LRP3: variants seen among roughly 807,000 people sequenced by gnomAD.
LRP3 encodes the protein LDL receptor related protein 3.
Under a neutral mutation model 58.5 loss-of-function variants are expected in LRP3, and 49 were observed. The observed-to-expected ratio is 0.84, with a 90% CI of 0.67 to 1.06. The LOEUF is 1.06. Ranked by LOEUF, LRP3 falls within the 50% of genes least tolerant of loss-of-function variation. LRP3 has a pLI of 0.00. For synonymous variants in LRP3, 485 were observed against 492.2 expected (o/e 0.99, Z 0.20); for missense variants, 1,019 against 1,134.2 (o/e 0.90, Z 1.46).
chr19:33,201,330 A>T (rs779940017), intron 2 of LRP3, among the ~76,000 whole-genome samples: 2 of 152,128 alleles, frequency 1.3e-5, no homozygotes, highest in Non-Finnish European at 1.5e-5. Context: ...TGGGATAAGA[A>T]GGTGGGGATA....
At chr19:33,195,085 G>A (rs1974272098) in intron 1 of LRP3, among the ~76,000 whole-genome samples, 1 of 151,940 alleles carries the variant, frequency 6.6e-6, no homozygotes, top group Admixed American at 6.5e-5. Flanking sequence ...AGTAGCGCCC[G>A]GAGCCCGGGC....
rs1296126406 is a variant in LRP3, at chr19:33,206,093, A to G, written c.1323A>G (p.Lys441=). The G allele has an allele frequency of 1.2e-6, 2 of 1,609,522 alleles. No homozygotes were observed. The highest frequency in any genetic ancestry group is 1.3e-5 in the African/African-American group (1 of 74,844). Residue 441 remains lysine (K), a synonymous_variant, in exon 5 of 7, where the codon AAA becomes AAG. Transcript: ENST00000253193. ...CTGCCGACCGCTGCAACAACCAGAA[A>G]AGCTGTCCCGACGGCGCCGACGAGA... is the stretch of plus-strand genomic sequence containing the variant. ...YTPADRCNNQ[K]SCPDGADEKN...
rs113136121 is a variant in LRP3 at position 33,207,749 on chromosome 19, CG to C, written c.*176del. On this transcript the variant is annotated 3_prime_UTR_variant, in exon 7 of 7. Coordinates refer to ENST00000253193, the MANE Select transcript of LRP3 (RefSeq NM_002333.4). Reference sequence around the variant, plus strand: ...GGTGGGCGGGAGCTGTGGGACTGAACGGCGGGGGGGAGAAGAGTGGAGTGGT... The same window carrying C: ...GGTGGGCGGGAGCTGTGGGACTGAACGCGGGGGGGAGAAGAGTGGAGTGGT... The C allele has an allele frequency of 2.4e-3, 1,408 of 594,060 alleles. 20 individuals carry two copies. The African/African-American group carries it at 0.025, about 11-fold the overall frequency. 36.8% of individuals were successfully genotyped at this position (594,060 alleles called of 1,614,324 possible).
At position 33,207,332 on chromosome 19, in the gene LRP3, C is replaced by T; in HGVS notation, c.2070C>T (p.Asp690=). Reference sequence around the variant, plus strand: ...CACCCTTGCCCTCGGGCCTGCGAGACCCAGAGTGCAGGCCCGTGGACAAGG... The same window carrying T: ...CACCCTTGCCCTCGGGCCTGCGAGATCCAGAGTGCAGGCCCGTGGACAAGG... ...SGPPLPSGLR[D]PECRPVDKDR... is the part of the protein sequence containing the mutation. The change falls in exon 7 of 7, where the codon GAC becomes GAT. Residue 690 remains aspartate, a synonymous_variant. Coordinates refer to ENST00000253193, the MANE Select transcript of LRP3 (RefSeq NM_002333.4). 6.3e-7 allele frequency: 1 copy of T among 1,580,656 alleles called. No homozygotes were observed. Among genetic ancestry groups the T allele is most frequent in the Non-Finnish European group, 8.5e-7 (1 of 1,170,274 alleles).
chr19:33,196,865 C>T lies in LRP3; in HGVS notation c.121+88C>T, dbSNP rs538441754. On this transcript the variant is annotated intron_variant, in intron 2 of 6. Coordinates refer to ENST00000253193, the MANE Select transcript of LRP3 (RefSeq NM_002333.4). ...AAGACAGGCCTTCAGGGTCCTGGCA[C>T]TACCCCGAGTTCCTGTGTGCATCTT... 4 of 1,222,094 alleles carry T rather than the reference C, an allele frequency of 3.3e-6. No individual in the cohort carries two copies. In the African/African-American group the frequency reaches 5.9e-5, roughly 18 times the overall value. 75.7% of individuals were successfully genotyped at this position (1,222,094 alleles called of 1,614,324 possible).
rs373886579 is a variant in LRP3, at chr19:33,196,472, TG to T, written c.74-257del. On this transcript the variant is annotated intron_variant, in intron 1 of 6. Coordinates refer to ENST00000253193, the MANE Select transcript of LRP3 (RefSeq NM_002333.4). ...ACTTGGGAGGCTCAGGTGGGAGGATTGCTTGAGCTCGGGAGTTTGAAGCTGC... is the reference window on the plus strand; with the variant it reads ...ACTTGGGAGGCTCAGGTGGGAGGATTCTTGAGCTCGGGAGTTTGAAGCTGC... Among the ~76,000 whole-genome samples, 530 of 152,308 alleles carry T rather than the reference TG, an allele frequency of 3.5e-3. 1 individual carries two copies. The highest frequency in any genetic ancestry group is 8.1e-3 in the South Asian group (39 of 4,832).
intron 2 of LRP3, among the ~76,000 whole-genome samples, chr19:33,201,823 C>T (rs551307255): frequency 3.3e-3 from 496 of 152,116 alleles, no homozygotes; most frequent in Non-Finnish European, 4.9e-3. Context: ...CAGGGCACAG[C>T]GGGGCAGGGC....
chr19:33,207,443 C>T lies in LRP3; in HGVS notation c.2181C>T (p.His727=). The T allele has an allele frequency of 6.3e-7, 1 of 1,597,696 alleles. No homozygotes were observed. Among genetic ancestry groups the T allele is most frequent in the Non-Finnish European group, 8.5e-7 (1 of 1,176,382 alleles). The change falls in exon 7 of 7, where the codon CAC becomes CAT. Residue 727 remains histidine, a synonymous_variant. Coordinates refer to ENST00000253193, the MANE Select transcript of LRP3 (RefSeq NM_002333.4). ...PREPCSAQDP[H]PQVSTASSTL... ...AGCCCTGCTCAGCCCAGGACCCGCA[C>T]CCCCAGGTCTCCACTGCCAGCAGCA... is the stretch of plus-strand genomic sequence containing the variant.
In LRP3 at chr19:33,208,834, A is replaced by G; in HGVS notation, c.*1259A>G. 2 of 1,599,626 alleles carry G rather than the reference A, an allele frequency of 1.3e-6. No homozygotes were observed. Among genetic ancestry groups the G allele is most frequent in the East Asian group, 2.3e-5 (1 of 43,990 alleles). ...CAAAACAAAACTTTTTTGCCAAAAC[A>G]CCTCCTCAATAAACAACATGTAAAC... On this transcript the variant is annotated 3_prime_UTR_variant, in exon 7 of 7. Transcript: ENST00000253193. The surrounding 1 kb of genome is among the most constrained non-coding windows in gnomAD (Gnocchi z 4.7).
intron 2 of LRP3, among the ~76,000 whole-genome samples, chr19:33,201,062 C>T (rs1456875301): frequency 1.3e-5 from 2 of 152,194 alleles, no homozygotes; most frequent in Non-Finnish European, 2.9e-5. Context: ...AGCAGGTCCT[C>T]AGATGGACCC....
chr19:33,197,835 A>G (rs181124623), intron 2 of LRP3, among the ~76,000 whole-genome samples: 1 of 152,282 alleles, frequency 6.6e-6, no homozygotes, highest in Non-Finnish European at 1.5e-5. Flanking sequence ...CAGGGTGCAC[A>G]GAAGCTGTGC....
chr19:33,194,496 G>T lies in LRP3; in HGVS notation c.-290G>T, dbSNP rs935771661. On this transcript the variant is annotated 5_prime_UTR_variant, in exon 1 of 7. Transcript: ENST00000253193. ...GCGGCGGGGCTCCCGGGGCGCGGGGGCAGCGGCGGGCGGGGGTCTTCCCTG... is the reference window on the plus strand; with the variant it reads ...GCGGCGGGGCTCCCGGGGCGCGGGGTCAGCGGCGGGCGGGGGTCTTCCCTG... 4.1e-5 allele frequency: 6 copies of T among 144,680 alleles called. No homozygotes were observed. The South Asian group carries it at 1.0e-3, about 25-fold the overall frequency. 9.0% of individuals were successfully genotyped at this position (144,680 alleles called of 1,614,324 possible). A position where few individuals can be genotyped will look rare whatever the true frequency, so the allele number is the denominator to read the frequency against.
chr19:33,198,856 G>A (rs111575665), intron 2 of LRP3, among the ~76,000 whole-genome samples: 5 of 152,324 alleles, frequency 3.3e-5, no homozygotes, highest in African/African-American at 9.6e-5. Context: ...CCCCGTCGTC[G>A]GATTACACCA....
Position 33,208,751 on chromosome 19 carries a change from G to T in LRP3, c.*1176G>T. 2 of 1,039,226 alleles carry T rather than the reference G, an allele frequency of 1.9e-6. No individual in the cohort carries two copies. The highest frequency in any genetic ancestry group is 2.7e-6 in the Non-Finnish European group (2 of 733,010). 64.4% of individuals were successfully genotyped at this position (1,039,226 alleles called of 1,614,324 possible). On this transcript the variant is annotated 3_prime_UTR_variant, in exon 7 of 7. Coordinates refer to ENST00000253193, the MANE Select transcript of LRP3 (RefSeq NM_002333.4). The surrounding 1 kb of genome is among the most constrained non-coding windows in gnomAD (Gnocchi z 4.7). ...CAGGAAACCCAGTCCACATTTTAGGGCTTCCTTAAACAGGCTTCTGAGAGT... is the reference window on the plus strand; with the variant it reads ...CAGGAAACCCAGTCCACATTTTAGGTCTTCCTTAAACAGGCTTCTGAGAGT...
In LRP3 at chr19:33,205,789, A is replaced by G; in HGVS notation, c.1019A>G (p.Gln340Arg). 6.3e-7 allele frequency: 1 copy of G among 1,586,660 alleles called. No individual in the cohort carries two copies. The highest frequency in any genetic ancestry group is 8.6e-7 in the Non-Finnish European group (1 of 1,169,208). Reference protein sequence around the residue: ...NHRPVSLEAAQGRLTVAYHAR... With the variant: ...NHRPVSLEAARGRLTVAYHAR... ...CGGCCCGTGAGCCTGGAGGCCGCCC[A>G]GGGCCGCCTCACTGTGGCCTACCAC... The change falls in exon 5 of 7, where the codon CAG becomes CGG. Residue 340 changes from glutamine to arginine, a missense_variant. Physicochemically the swap from Gln to Arg is conservative, Grantham distance 43 (BLOSUM62 1). Around this residue, in one of 2 missense-constraint regions of LRP3, gnomAD observed 592 missense variants for 725.5 expected, o/e 0.82. Transcript: ENST00000253193.
intron 2 of LRP3, among the ~76,000 whole-genome samples, chr19:33,196,988 C>G (rs1376947868): frequency 6.6e-6 from 1 of 152,200 alleles, no homozygotes; most frequent in Non-Finnish European, 1.5e-5. Flanking sequence ...ACAAGGTCTA[C>G]TCAAAACCTG....
intron 6 of LRP3, 51 bp from the exon 7 acceptor site, chr19:33,206,937 G>A: frequency 7.4e-7 from 1 of 1,347,458 alleles, no homozygotes. Flanking sequence ...TGAGCAGCCT[G>A]TCTGCCCCCT....
rs1356991969 is a variant in LRP3, at chr19:33,205,555, A to G, written c.785A>G (p.Tyr262Cys). The G allele has an allele frequency of 6.2e-7, 1 of 1,600,782 alleles. No homozygotes were observed. The highest frequency in any genetic ancestry group is 8.5e-7 in the Non-Finnish European group (1 of 1,175,206). ...LACGRRLGSF[Y>C]GSFASPDLFG... Reference sequence around the variant, plus strand: ...TGCGGCCGGCGGCTGGGCAGCTTCTACGGCTCCTTTGCCTCCCCAGACCTG... The same window carrying G: ...TGCGGCCGGCGGCTGGGCAGCTTCTGCGGCTCCTTTGCCTCCCCAGACCTG... Residue 262 changes from tyrosine to cysteine, a missense_variant, in exon 5 of 7, where the codon TAC becomes TGC. By Grantham distance (194) the Tyr-to-Cys change is radical. This residue lies in a region of LRP3 where 592 missense variants were observed against 725.5 expected (regional missense o/e 0.82). Transcript: ENST00000253193.
chr19:33,203,065 C>A, intron 3 of LRP3, 79 bp downstream of exon 3: 2 of 1,524,720 alleles, frequency 1.3e-6, no homozygotes, highest in Non-Finnish European at 1.8e-6. Context: ...TGTGTGTGAG[C>A]AGGTGTGGAG....
Sources: allele counts gnomAD v4.1 joint callset (sites outside exome capture counted in the v4.1 genomes callset), GRCh38; gene constraint gnomAD v4.1.1; regional missense constraint gnomAD v4.1.1; non-coding constraint Gnocchi (gnomAD v3.1); transcripts MANE v1.5; gene names NCBI Gene and HGNC (gene_info 2026-07-23, HGNC 2026-07-21).